The following LIMA1 variants were observed in gnomAD, a reference collection of about 807,000 sequenced individuals.
LIMA1 encodes the protein LIM domain and actin binding 1, also known as LIM domain and actin-binding protein 1.
Under a neutral mutation model 62.6 loss-of-function variants are expected in LIMA1, and 52 were observed. The observed-to-expected ratio is 0.83, with a 90% CI of 0.67 to 1.05. The LOEUF (loss-of-function observed/expected upper bound fraction) is 1.05, where lower values mean the gene tolerates loss of function less well. Ranked by LOEUF, LIMA1 falls within the 50% of genes least tolerant of loss-of-function variation. LIMA1 has a pLI of 0.00. For missense variants in LIMA1, 780 were observed against 902.2 expected (o/e 0.86, Z 1.74); for synonymous variants, 302 against 317.8 (o/e 0.95, Z 0.53).
Position 50,206,083 on chromosome 12 carries a change from C to A in LIMA1, c.631-15G>T. 2 of 1,608,536 alleles carry A rather than the reference C, an allele frequency of 1.2e-6. No individual in the cohort carries two copies. The highest frequency in any genetic ancestry group is 1.7e-6 in the Non-Finnish European group (2 of 1,176,062). On this transcript the variant is annotated splice_polypyrimidine_tract_variant and intron_variant, in intron 4 of 10. Transcript: ENST00000341247. ...GCCCGGAGAATCTGGAAAACGAAACCCAACGATAAGTTTTGCAGAAACAAT... is the reference window on the plus strand; with the variant it reads ...GCCCGGAGAATCTGGAAAACGAAACACAACGATAAGTTTTGCAGAAACAAT...
chr12:50,200,719 G>A lies in LIMA1; in HGVS notation c.972+58C>T, dbSNP rs1941029983. ...GAGTTAGAGTTGTTTCTAATTTCAA[G>A]CATCTAATTTAGAACACATGCTTCC... On this transcript the variant is annotated intron_variant, in intron 7 of 10. Coordinates refer to ENST00000341247, the MANE Select transcript of LIMA1 (RefSeq NM_016357.5). 3.3e-6 allele frequency: 5 copies of A among 1,531,534 alleles called. No individual in the cohort carries two copies. The South Asian group carries it at 5.6e-5, about 17-fold the overall frequency. 94.9% of individuals were successfully genotyped at this position (1,531,534 alleles called of 1,614,324 possible).
At chr12:50,190,782 CATT>C (rs1365478113) in intron 9 of LIMA1, among the ~76,000 whole-genome samples, 1 of 133,416 alleles carries the variant, frequency 7.5e-6, no homozygotes, top group Admixed American at 8.0e-5. Context: ...ATGTTAATGA[CATT>C]GTTGTAAACA....
Position 50,177,459 on chromosome 12 carries a change from T to C in LIMA1, c.1885A>G (p.Arg629Gly). 6.2e-7 allele frequency: 1 copy of C among 1,614,144 alleles called. No homozygotes were observed. Among genetic ancestry groups the C allele is most frequent in the Non-Finnish European group, 8.5e-7 (1 of 1,180,030 alleles). ...TCCACTTGTTTCCTTTCTGCAACTC[T>C]TCCACCCACAGACTCTTCACTCTGC... ...SEQSEESVGG[R>G]VAERKQVENA... Residue 629 changes from arginine (R) to glycine (G), a missense_variant, in exon 11 of 11, where the codon AGA (arginine) becomes GGA (glycine). By Grantham distance (125) the Arg-to-Gly change is moderately radical. Transcript: ENST00000341247.
chr12:50,194,441 C>T lies in LIMA1; in HGVS notation c.1030+1389G>A, dbSNP rs533594897. Among the ~76,000 whole-genome samples the T allele has an allele frequency of 2.0e-3, 308 of 152,072 alleles. 1 individual carries two copies. The highest frequency in any genetic ancestry group is 6.4e-3 in the African/African-American group (265 of 41,496). On this transcript the variant is annotated intron_variant, in intron 8 of 10. Coordinates refer to ENST00000341247, the MANE Select transcript of LIMA1 (RefSeq NM_016357.5). ...TGTCCTGAGTAGCTGGGATTACAGGCGCCCACCACCACGCCTGGCTAATTT... is the reference window on the plus strand; with the variant it reads ...TGTCCTGAGTAGCTGGGATTACAGGTGCCCACCACCACGCCTGGCTAATTT...
chr12:50,232,043 CTTT>C (rs750844822), intron 2 of LIMA1, among the ~76,000 whole-genome samples: 2 of 83,448 alleles, frequency 2.4e-5, no homozygotes, highest in Non-Finnish European at 2.2e-5. Flanking sequence ...GAGTGCCCAG[CTTT>C]TTTTTTTTTT....
intron 4 of LIMA1, among the ~76,000 whole-genome samples, chr12:50,213,129 C>T (rs1941286960): frequency 6.6e-6 from 1 of 152,198 alleles, no homozygotes; most frequent in African/African-American, 2.4e-5. Context: ...CACGCCAGGT[C>T]CCAAACTCAC....
chr12:50,240,236 C>T lies in LIMA1; in HGVS notation c.119+8397G>A, dbSNP rs117778443. Among the ~76,000 whole-genome samples the T allele has an allele frequency of 1.3e-3, 194 of 152,086 alleles. 5 individuals carry two copies. The East Asian group carries it at 0.033, about 26-fold the overall frequency. ...GAAAGTGTCTCATGTATATAGGGTG[C>T]ACAAAGAACTCTAGTGTTGCAGAAG... is the stretch of plus-strand genomic sequence containing the variant. On this transcript the variant is annotated intron_variant, in intron 2 of 10. Coordinates refer to ENST00000341247, the MANE Select transcript of LIMA1 (RefSeq NM_016357.5).
chr12:50,274,778 A>G (rs1268550248), intron 1 of LIMA1, among the ~76,000 whole-genome samples: 2 of 152,120 alleles, frequency 1.3e-5, no homozygotes, highest in African/African-American at 4.8e-5. Context: ...TGACATTTGA[A>G]CTGAAACCTG....
chr12:50,207,209 G>A (rs1941170014), intron 4 of LIMA1, among the ~76,000 whole-genome samples: 1 of 152,180 alleles, frequency 6.6e-6, no homozygotes, highest in Non-Finnish European at 1.5e-5. Context: ...ACAAGCTTGA[G>A]CCACTGCGCC....
intron 9 of LIMA1, among the ~76,000 whole-genome samples, chr12:50,190,682 ATTTTT>A (rs762182699): frequency 7.5e-5 from 7 of 93,032 alleles, no homozygotes; most frequent in African/African-American, 2.2e-4. Flanking sequence ...ACCCGGCCTC[ATTTTT>A]TTTTTTTTTT....
At chr12:50,268,594 A>AATTATTATTATTATT (rs140101130) in intron 1 of LIMA1, among the ~76,000 whole-genome samples, 6,943 of 149,168 alleles carry the variant, frequency 0.047, 221 homozygotes, top group South Asian at 0.14. Flanking sequence ...GCCATGAAGC[A>AATTATTATTATTATT]ATTATTATTA....
At chr12:50,278,565 A>G (rs1487888848) in intron 1 of LIMA1, among the ~76,000 whole-genome samples, 1 of 152,088 alleles carries the variant, frequency 6.6e-6, no homozygotes. Flanking sequence ...AAATTTTCAC[A>G]CTCCTTGACC....
In LIMA1 at chr12:50,250,400, G is replaced by C. The variant is rs551866826; in HGVS notation, c.-23-1626C>G. Reference sequence around the variant, plus strand: ...AGGCCAGGAGTTTGAGACCAGCCTGGGTAACATAGCAAGACCCCCTCTTCT... The same window carrying C: ...AGGCCAGGAGTTTGAGACCAGCCTGCGTAACATAGCAAGACCCCCTCTTCT... On this transcript the variant is annotated intron_variant, in intron 1 of 10. Coordinates refer to ENST00000341247, the MANE Select transcript of LIMA1 (RefSeq NM_016357.5). 2.5e-4 allele frequency among the ~76,000 whole-genome samples: 38 copies of C among 151,328 alleles called. 1 individual carries two copies. The highest frequency in any genetic ancestry group is 9.0e-4 in the African/African-American group (37 of 41,274).
intron 6 of LIMA1, among the ~76,000 whole-genome samples, chr12:50,202,527 C>T (rs1941072449): frequency 6.6e-6 from 1 of 152,210 alleles, no homozygotes; most frequent in Admixed American, 6.5e-5. Context: ...TTTGCTGTAT[C>T]TCCTGACCTG....
intron 2 of LIMA1, among the ~76,000 whole-genome samples, chr12:50,237,214 G>A (rs1343223063): frequency 3.3e-5 from 5 of 152,284 alleles, no homozygotes; most frequent in East Asian, 1.9e-4. Context: ...CTGAATGTCC[G>A]TTAGCAGAGG....
chr12:50,224,075 C>T (rs1941491436), intron 3 of LIMA1, among the ~76,000 whole-genome samples: 1 of 151,924 alleles, frequency 6.6e-6, no homozygotes, highest in African/African-American at 2.4e-5. Context: ...TTAAATGTCC[C>T]GTACTTTGAA....
At chr12:50,192,420 T>C in intron 9 of LIMA1, 32 bp downstream of exon 9, 1 of 1,402,318 alleles carries the variant, frequency 7.1e-7, no homozygotes, top group African/African-American at 1.4e-5. Context: ...TAGACCAATG[T>C]CCAAAGGCTC....
At chr12:50,237,818 G>T (rs1003689938) in intron 2 of LIMA1, among the ~76,000 whole-genome samples, 3 of 152,120 alleles carry the variant, frequency 2.0e-5, no homozygotes, top group Non-Finnish European at 4.4e-5. Context: ...TTTGACAAGG[G>T]TGCCAAGACC....
At chr12:50,195,689 C>T (rs1474031450) in intron 8 of LIMA1, 141 bp downstream of exon 8, 1 of 741,612 alleles carries the variant, frequency 1.3e-6, no homozygotes, top group Non-Finnish European at 2.1e-6. Flanking sequence ...GTGTAAAGGA[C>T]ATTCAAGCAT....
Sources: allele counts gnomAD v4.1 joint callset (sites outside exome capture counted in the v4.1 genomes callset), GRCh38; gene constraint gnomAD v4.1.1; transcripts MANE v1.5; gene names NCBI Gene and HGNC (gene_info 2026-07-23, HGNC 2026-07-21).